BAALC: variants seen among roughly 807,000 people sequenced by gnomAD.
BAALC encodes the protein BAALC binder of MAP3K1 and KLF4, also known as brain and acute leukemia cytoplasmic protein.
BAALC carries 9 observed loss-of-function variants against 15.5 expected under a neutral mutation model. The observed-to-expected ratio is 0.58, with a 90% confidence interval of 0.35 to 1.02. BAALC has a LOEUF of 1.02. BAALC is among the 50% of genes least tolerant of loss of function. The pLI is 0.02. For missense variants in BAALC, 201 were observed against 192.4 expected (o/e 1.04, Z -0.27); for synonymous variants, 80 against 74.6 (o/e 1.07, Z -0.37).
intron 1 of BAALC, among the ~76,000 whole-genome samples, chr8:103,199,242 GA>G (rs1298732224): frequency 8.3e-4 from 126 of 152,280 alleles, no homozygotes; most frequent in Non-Finnish European, 1.3e-3. Flanking sequence ...CTCCAAAATG[GA>G]CAGTTTTACC....
At chr8:103,177,194 T>TTG (rs1491259681) in intron 1 of BAALC, among the ~76,000 whole-genome samples, 1 of 32,544 alleles carries the variant, frequency 3.1e-5, no homozygotes, top group Non-Finnish European at 7.3e-5. Context: ...TGTTGTTTTG[T>TTG]TTTTTTTTTT....
At chr8:103,172,570 T>G (rs570387329) in intron 1 of BAALC, among the ~76,000 whole-genome samples, 1 of 151,928 alleles carries the variant, frequency 6.6e-6, no homozygotes, top group East Asian at 1.9e-4. Context: ...ACTGGCTAAT[T>G]TTTGGTAGAG....
rs1175489063 is a variant in BAALC at position 103,213,022 on chromosome 8, A to G, written c.264A>G (p.Pro88=). 4.3e-6 allele frequency: 7 copies of G among 1,614,146 alleles called. No homozygotes were observed. The highest frequency in any genetic ancestry group is 1.7e-4 in the Middle Eastern group (1 of 6,060). Reference sequence around the variant, plus strand: ...AGACGAACTGTGAGACCCAGTGCCCAAATCCCCAGAGCCTCAGCTCAGGCC... The same window carrying G: ...AGACGAACTGTGAGACCCAGTGCCCGAATCCCCAGAGCCTCAGCTCAGGCC... ...EKKTNCETQC[P]NPQSLSSGPL... Residue 88 remains proline (P), a synonymous_variant, in exon 2 of 3, where the codon CCA becomes CCG. Coordinates refer to ENST00000309982, the MANE Select transcript of BAALC (RefSeq NM_024812.3).
chr8:103,169,313 G>A (rs145022158), intron 1 of BAALC, among the ~76,000 whole-genome samples: 5 of 152,024 alleles, frequency 3.3e-5, no homozygotes, highest in South Asian at 2.1e-4. Context: ...TTTTTTAGAC[G>A]CAATATCTTT....
intron 1 of BAALC, among the ~76,000 whole-genome samples, chr8:103,167,201 G>A (rs1231462451): frequency 6.6e-6 from 1 of 152,188 alleles, no homozygotes; most frequent in Non-Finnish European, 1.5e-5. Flanking sequence ...CTTTCAGACA[G>A]GGCAGTGGCC....
In BAALC at chr8:103,140,865, A is replaced by G; in HGVS notation, c.-33A>G. The G allele has an allele frequency of 1.4e-6, 2 of 1,468,614 alleles. No homozygotes were observed. Among genetic ancestry groups the G allele is most frequent in the Non-Finnish European group, 1.8e-6 (2 of 1,109,712 alleles). The allele number at this position is 1,468,614 out of a possible 1,614,324, so 91.0% of individuals were successfully genotyped here. On this transcript the variant is annotated 5_prime_UTR_variant, in exon 1 of 3. Coordinates refer to ENST00000309982, the MANE Select transcript of BAALC (RefSeq NM_024812.3). This position sits in a 1 kb window ranked among gnomAD's most constrained non-coding sequence, Gnocchi z 4.2. ...GAGCCGCCGCCAGAGCCGACAGCCG[A>G]GCAGCCGCTGGGCGCTCCCGCGGCG...
At chr8:103,167,700 A>G (rs1034603237) in intron 1 of BAALC, among the ~76,000 whole-genome samples, 2 of 152,160 alleles carry the variant, frequency 1.3e-5, no homozygotes, top group African/African-American at 4.8e-5. Context: ...CAGCAATGTT[A>G]TTGGAGCATC....
At chr8:103,150,142 C>T (rs1810953061) in intron 1 of BAALC, among the ~76,000 whole-genome samples, 1 of 152,120 alleles carries the variant, frequency 6.6e-6, no homozygotes, top group African/African-American at 2.4e-5. Context: ...GGAAACTCCC[C>T]TTTATAAAAC....
At chr8:103,227,421 G>T (rs1409364297) in intron 2 of BAALC, among the ~76,000 whole-genome samples, 1 of 152,128 alleles carries the variant, frequency 6.6e-6, no homozygotes, top group Non-Finnish European at 1.5e-5. Context: ...TTCTTACAAA[G>T]AAATTCCTTG....
intron 1 of BAALC, among the ~76,000 whole-genome samples, chr8:103,204,316 A>G (rs1812282838): frequency 6.6e-6 from 1 of 152,158 alleles, no homozygotes; most frequent in African/African-American, 2.4e-5. Context: ...TTTGAAAGTT[A>G]GTTCCTTACC....
At chr8:103,150,570 A>C (rs1201356299) in intron 1 of BAALC, among the ~76,000 whole-genome samples, 1 of 152,202 alleles carries the variant, frequency 6.6e-6, no homozygotes, top group Admixed American at 6.5e-5. Flanking sequence ...TAATGAAGCA[A>C]AACCAAAAGT....
At chr8:103,172,295 C>T (rs950620357) in intron 1 of BAALC, among the ~76,000 whole-genome samples, 1 of 151,706 alleles carries the variant, frequency 6.6e-6, no homozygotes, top group African/African-American at 2.4e-5. Context: ...TAAAATGATC[C>T]AGAGGCCAGA....
At chr8:103,225,579 G>A (rs935568020) in intron 2 of BAALC, among the ~76,000 whole-genome samples, 3 of 152,168 alleles carry the variant, frequency 2.0e-5, no homozygotes, top group East Asian at 1.9e-4. Context: ...TTCAGTCAGC[G>A]GAACAGCTGT....
At chr8:103,165,244 C>T (rs548381230) in intron 1 of BAALC, among the ~76,000 whole-genome samples, 9 of 152,262 alleles carry the variant, frequency 5.9e-5, no homozygotes, top group South Asian at 2.1e-4. Flanking sequence ...TTTCTACCAG[C>T]GTTCTGAAGC....
At chr8:103,174,020 T>G (rs1024511094) in intron 1 of BAALC, among the ~76,000 whole-genome samples, 2 of 151,978 alleles carry the variant, frequency 1.3e-5, no homozygotes, top group Non-Finnish European at 2.9e-5. Context: ...ATGAGAAAGG[T>G]TGTCCTTGTA....
At chr8:103,196,853 G>A (rs545299480) in intron 1 of BAALC, among the ~76,000 whole-genome samples, 1 of 152,332 alleles carries the variant, frequency 6.6e-6, no homozygotes. Flanking sequence ...TGGCTTCTGA[G>A]TATTAGGGAA....
At chr8:103,216,319 T>A (rs574005347) in intron 2 of BAALC, among the ~76,000 whole-genome samples, 1 of 152,336 alleles carries the variant, frequency 6.6e-6, no homozygotes, top group South Asian at 2.1e-4. Flanking sequence ...TATATTTGAC[T>A]TTCATAGACA....
At chr8:103,149,599 T>TG (rs112836307) in intron 1 of BAALC, among the ~76,000 whole-genome samples, 3 of 152,200 alleles carry the variant, frequency 2.0e-5, no homozygotes, top group African/African-American at 7.2e-5. Context: ...AAGTTCCGGA[T>TG]GGGGGGATGG....
chr8:103,226,918 G>C (rs1812818225), intron 2 of BAALC, among the ~76,000 whole-genome samples: 2 of 152,146 alleles, frequency 1.3e-5, no homozygotes, highest in Admixed American at 1.3e-4. Context: ...TGCCCATAGT[G>C]AAATCATATA....
Sources: allele counts gnomAD v4.1 joint callset (sites outside exome capture counted in the v4.1 genomes callset), GRCh38; gene constraint gnomAD v4.1.1; non-coding constraint Gnocchi (gnomAD v3.1); transcripts MANE v1.5; gene names NCBI Gene and HGNC (gene_info 2026-07-23, HGNC 2026-07-21).